GALNT14: variants seen among roughly 807,000 people sequenced by gnomAD.
GALNT14 encodes the protein UDP-GalNAc:polypeptide N-acetylgalactosaminyltransferase 14.
GALNT14 carries 60 observed loss-of-function variants against 77.5 expected under a neutral mutation model. That is an observed-to-expected ratio of 0.77 (90% CI 0.63 to 0.96). The LOEUF (loss-of-function observed/expected upper bound fraction) is 0.96, where lower values mean the gene tolerates loss of function less well. GALNT14 is among the 40% of genes least tolerant of loss of function. The probability of loss-of-function intolerance (pLI) is 0.00; values close to 1 mark genes in which losing one functional copy is unlikely to be tolerated. For synonymous variants in GALNT14, 280 were observed against 281.7 expected, an observed-to-expected ratio of 0.99 and a Z score of 0.06; for missense variants, 710 against 731.0, an observed-to-expected ratio of 0.97 and a Z score of 0.33.
rs113320641 is a variant in GALNT14 at position 30,979,196 on chromosome 2, C to T, written c.300-12894G>A. ...AATGAGGAGGGCAGCTAGGGCCTGC[C>T]GCAGTCACCCAGACGAGAGGGGGCA... On this transcript the variant is annotated intron_variant, in intron 2 of 14. Coordinates refer to ENST00000349752, the MANE Select transcript of GALNT14 (RefSeq NM_024572.4). 5.5e-3 allele frequency among the ~76,000 whole-genome samples: 830 copies of T among 152,258 alleles called. 7 individuals are homozygous for T. Among genetic ancestry groups the T allele is most frequent in the African/African-American group, 0.019 (802 of 41,540 alleles).
chr2:31,004,930 C>A (rs1340945493), intron 1 of GALNT14, among the ~76,000 whole-genome samples: 4 of 152,172 alleles, frequency 2.6e-5, no homozygotes, highest in Non-Finnish European at 5.9e-5. Context: ...CATGAATGAG[C>A]AGACCTGGAG....
At chr2:30,890,107 A>G in the GALNT14 span, among the ~76,000 whole-genome samples, 1 of 152,072 alleles carries the variant, frequency 6.6e-6, no homozygotes, top group African/African-American at 2.4e-5. Context: ...CAATATCACG[A>G]TTTGCCACAT....
At chr2:31,053,750 G>C (rs114816162) in intron 1 of GALNT14, among the ~76,000 whole-genome samples, 1 of 152,170 alleles carries the variant, frequency 6.6e-6, no homozygotes, top group Non-Finnish European at 1.5e-5. Flanking sequence ...TGATTAGACA[G>C]GTTTCTTCAC....
intron 1 of GALNT14, among the ~76,000 whole-genome samples, chr2:31,099,095 T>G (rs971806214): frequency 2.6e-5 from 4 of 152,140 alleles, no homozygotes; most frequent in African/African-American, 4.8e-5. Flanking sequence ...TTTTTATATA[T>G]AAGTTAGTAT....
intron 2 of GALNT14, among the ~76,000 whole-genome samples, chr2:30,974,912 C>T (rs774099390): frequency 2.0e-5 from 3 of 152,154 alleles, no homozygotes; most frequent in Non-Finnish European, 4.4e-5. Context: ...AGGTGGGAGG[C>T]AGGTGAGGCT....
chr2:30,991,541 G>T (rs549089201), intron 2 of GALNT14: 1 of 152,348 alleles, frequency 6.6e-6, no homozygotes, highest in South Asian at 2.1e-4. Flanking sequence ...CTGGGTCTTT[G>T]GCAGTAGGGG....
chr2:30,979,698 CCA>C (rs1439177809), intron 2 of GALNT14, among the ~76,000 whole-genome samples: 1 of 152,162 alleles, frequency 6.6e-6, no homozygotes, highest in East Asian at 1.9e-4. Context: ...GCTCAGTGAT[CCA>C]CAGAGTCCCC....
At chr2:31,026,462 G>A (rs935378565) in intron 1 of GALNT14, among the ~76,000 whole-genome samples, 52 of 152,196 alleles carry the variant, frequency 3.4e-4, no homozygotes, top group Non-Finnish European at 4.1e-4. Flanking sequence ...GACAAGGAGC[G>A]TGGCCTGTGA....
intron 4 of GALNT14, among the ~76,000 whole-genome samples, chr2:30,957,878 C>T (rs893701188): frequency 6.6e-6 from 1 of 152,212 alleles, no homozygotes; most frequent in Admixed American, 6.5e-5. Context: ...CAGTACATTA[C>T]TTCTGACAAT....
downstream of GALNT14, among the ~76,000 whole-genome samples, chr2:30,908,811 C>T: frequency 6.9e-6 from 1 of 144,594 alleles, no homozygotes; most frequent in Non-Finnish European, 1.5e-5. Context: ...TCAAACTATA[C>T]TACAAGGCTA....
rs1331855112 is a variant in GALNT14, at chr2:30,912,211, C to A, written c.1500+12G>T. ...GAGTTGGCCACATCCCAGGGACCTGCTGAGCACTTACCTGTCGGTCATCTC... is the reference window on the plus strand; with the variant it reads ...GAGTTGGCCACATCCCAGGGACCTGATGAGCACTTACCTGTCGGTCATCTC... On this transcript the variant is annotated intron_variant, in intron 14 of 14. Transcript: ENST00000349752. 6 of 1,613,898 alleles carry A rather than the reference C, an allele frequency of 3.7e-6. No individual in the cohort carries two copies. The highest frequency in any genetic ancestry group is 5.1e-6 in the Non-Finnish European group (6 of 1,179,880).
rs541114253 is a variant in GALNT14 at position 31,066,397 on chromosome 2, G to A, written c.129+71561C>T. Among the ~76,000 whole-genome samples, 300 of 138,420 alleles carry A rather than the reference G, an allele frequency of 2.2e-3. 1 individual carries two copies. Among genetic ancestry groups the A allele is most frequent in the Middle Eastern group, 0.011 (3 of 278 alleles). The allele number at this position is 138,420 out of a possible 152,430, so 90.8% of individuals were successfully genotyped here. A position where few individuals can be genotyped will look rare whatever the true frequency, so the allele number is the denominator to read the frequency against. ...CACCACCGGAGACTCCAGCAGCTGCGAAAGGGTGCGGGGGCGGGGGGCGGG... is the reference window on the plus strand; with the variant it reads ...CACCACCGGAGACTCCAGCAGCTGCAAAAGGGTGCGGGGGCGGGGGGCGGG... On this transcript the variant is annotated intron_variant, in intron 1 of 14. Transcript: ENST00000349752.
chr2:31,025,076 T>C (rs1380410879), intron 1 of GALNT14, among the ~76,000 whole-genome samples: 2 of 152,230 alleles, frequency 1.3e-5, no homozygotes, highest in African/African-American at 4.8e-5. Flanking sequence ...GTTATAATAG[T>C]TATTAAGACA....
intron 2 of GALNT14, among the ~76,000 whole-genome samples, chr2:30,987,711 C>T (rs1463002353): frequency 6.4e-5 from 1 of 15,686 alleles, no homozygotes; most frequent in Non-Finnish European, 1.0e-4. Flanking sequence ...CCTCCTCCCT[C>T]CCCCTCCTCC....
intron 1 of GALNT14, among the ~76,000 whole-genome samples, chr2:31,078,422 A>G (rs896510254): frequency 4.2e-4 from 64 of 152,174 alleles, no homozygotes; most frequent in African/African-American, 1.5e-3. Context: ...ACACAGATTG[A>G]TAAGAAAACC....
intron 1 of GALNT14, among the ~76,000 whole-genome samples, chr2:31,121,297 G>C (rs543718866): frequency 6.6e-6 from 1 of 152,136 alleles, no homozygotes; most frequent in Non-Finnish European, 1.5e-5. Flanking sequence ...AGGTGGTCGA[G>C]AAAAGCCAGA....
chr2:31,030,729 T>C (rs1672353390), intron 1 of GALNT14, among the ~76,000 whole-genome samples: 1 of 152,156 alleles, frequency 6.6e-6, no homozygotes, highest in Non-Finnish European at 1.5e-5. Context: ...CCTGGTGGAT[T>C]CTTTATAGTG....
chr2:31,030,721 T>C (rs1672352116), intron 1 of GALNT14, among the ~76,000 whole-genome samples: 1 of 152,178 alleles, frequency 6.6e-6, no homozygotes, highest in Admixed American at 6.5e-5. Flanking sequence ...GGCTTCTCCC[T>C]GGTGGATTCT....
At chr2:30,939,163 G>A (rs1023234779) in intron 9 of GALNT14, among the ~76,000 whole-genome samples, 1 of 152,200 alleles carries the variant, frequency 6.6e-6, no homozygotes, top group Non-Finnish European at 1.5e-5. Context: ...TTGGTAGAAG[G>A]CTGGGCGGCA....
Sources: allele counts gnomAD v4.1 joint callset (sites outside exome capture counted in the v4.1 genomes callset), GRCh38; gene constraint gnomAD v4.1.1; transcripts MANE v1.5; gene names NCBI Gene and HGNC (gene_info 2026-07-23, HGNC 2026-07-21).